The following RABGAP1 variants were observed in gnomAD, a reference collection of about 807,000 sequenced individuals.
RABGAP1 encodes the protein rab GTPase-activating protein 1.
In RABGAP1, 23 loss-of-function variants were observed where a neutral mutation model predicts 137.6. The ratio of observed to expected loss-of-function variants is 0.17; its 90% CI spans 0.12 to 0.24. The LOEUF is 0.24. RABGAP1 is among the 10% of genes least tolerant of loss of function. The probability of loss-of-function intolerance (pLI) is 1.00; values close to 1 mark genes in which losing one functional copy is unlikely to be tolerated. For missense variants in RABGAP1, 906 were observed against 1,275.8 expected, an observed-to-expected ratio of 0.71 and a Z score of 4.42; for synonymous variants, 451 against 450.7, an observed-to-expected ratio of 1.00 and a Z score of -0.01.
At chr9:123,002,844 T>C (rs897791043) in intron 10 of RABGAP1, among the ~76,000 whole-genome samples, 8 of 152,178 alleles carry the variant, frequency 5.3e-5, no homozygotes, top group Admixed American at 4.6e-4. Context: ...GAGACTGCTC[T>C]GGACTCTTTA....
At chr9:123,102,675 T>C (rs1424698994) in intron 25 of RABGAP1, among the ~76,000 whole-genome samples, 1 of 152,138 alleles carries the variant, frequency 6.6e-6, no homozygotes, top group East Asian at 1.9e-4. Context: ...TCAGGAGTTC[T>C]TTCCTTGCAG....
At chr9:122,998,535 T>C (rs1225408889) in intron 9 of RABGAP1, 62 bp from the exon 10 acceptor site, 4 of 1,261,634 alleles carry the variant, frequency 3.2e-6, no homozygotes, top group Non-Finnish European at 4.3e-6. Flanking sequence ...TTATGGAATC[T>C]TATGAGCAAA....
intron 13 of RABGAP1, among the ~76,000 whole-genome samples, chr9:123,057,446 C>T (rs1349524151): frequency 6.6e-6 from 1 of 151,008 alleles, no homozygotes; most frequent in African/African-American, 2.4e-5. Flanking sequence ...CCCCACATCT[C>T]AGACGATGGG....
chr9:122,997,496 C>CCTG, intron 9 of RABGAP1, 135 bp downstream of exon 9: 1 of 518,466 alleles, frequency 1.9e-6, no homozygotes, highest in African/African-American at 2.0e-5. Flanking sequence ...TAGTTCTTCA[C>CCTG]TTTATTATTA....
chr9:122,941,902 G>C (rs1192811104), intron 1 of RABGAP1, among the ~76,000 whole-genome samples: 1 of 152,188 alleles, frequency 6.6e-6, no homozygotes, highest in Non-Finnish European at 1.5e-5. Context: ...TTCTTTTTTG[G>C]AAACAAATGT....
At chr9:122,943,564 G>A (rs1325480800) in intron 1 of RABGAP1, among the ~76,000 whole-genome samples, 1 of 152,180 alleles carries the variant, frequency 6.6e-6, no homozygotes, top group Non-Finnish European at 1.5e-5. Flanking sequence ...CTTTTCTGCT[G>A]CATATTGAGA....
At chr9:122,970,045 A>G (rs548148311) in intron 2 of RABGAP1, among the ~76,000 whole-genome samples, 4 of 149,014 alleles carry the variant, frequency 2.7e-5, no homozygotes, top group African/African-American at 9.8e-5. Context: ...AATTACAGTC[A>G]TGTGCCAGTG....
At chr9:123,093,045 AT>A (rs2035075778) in intron 21 of RABGAP1, among the ~76,000 whole-genome samples, 1 of 152,138 alleles carries the variant, frequency 6.6e-6, no homozygotes, top group Non-Finnish European at 1.5e-5. Flanking sequence ...AATCAGCTAG[AT>A]TCTTCCTCAC....
At chr9:122,982,965 C>T (rs1836161420) in intron 2 of RABGAP1, among the ~76,000 whole-genome samples, 1 of 151,994 alleles carries the variant, frequency 6.6e-6, no homozygotes, top group Admixed American at 6.6e-5. Context: ...AACTTCTGGG[C>T]TCCAGCGATC....
chr9:123,001,242 C>T (rs953445009), intron 10 of RABGAP1, among the ~76,000 whole-genome samples: 194 of 152,242 alleles, frequency 1.3e-3, no homozygotes, highest in African/African-American at 4.5e-3. Flanking sequence ...ATGTTAGAGT[C>T]CTCTACTAAG....
At chr9:122,986,570 G>T in intron 4 of RABGAP1, 151 bp downstream of exon 4, 2 of 844,776 alleles carry the variant, frequency 2.4e-6, no homozygotes, top group Non-Finnish European at 3.6e-6. Context: ...CCCAAGGACT[G>T]TGACCTTTGT....
At chr9:122,963,652 C>G (rs568748957) in intron 2 of RABGAP1, among the ~76,000 whole-genome samples, 29 of 152,262 alleles carry the variant, frequency 1.9e-4, no homozygotes, top group Non-Finnish European at 3.2e-4. Flanking sequence ...TGTTAAGTGC[C>G]TATATTAAGA....
intron 13 of RABGAP1, among the ~76,000 whole-genome samples, chr9:123,032,198 C>A (rs1056147674): frequency 1.3e-5 from 2 of 152,128 alleles, no homozygotes; most frequent in Non-Finnish European, 2.9e-5. Context: ...AAGTTATATA[C>A]CCCCTCTGTG....
chr9:123,035,006 G>A (rs753918043), intron 13 of RABGAP1: 42 of 1,613,298 alleles, frequency 2.6e-5, no homozygotes, highest in Middle Eastern at 1.6e-4. Flanking sequence ...TGGAGACTAC[G>A]CCTGTGTATT....
At chr9:122,967,288 A>G (rs1194992697) in intron 2 of RABGAP1, among the ~76,000 whole-genome samples, 1 of 152,224 alleles carries the variant, frequency 6.6e-6, no homozygotes, top group African/African-American at 2.4e-5. Context: ...GAGATCAGAA[A>G]GAAGTGGAAA....
rs1479447519 is a variant in RABGAP1, at chr9:123,041,852, T to C, written c.1794+21393T>C. On this transcript the variant is annotated intron_variant, in intron 13 of 25. Coordinates refer to ENST00000373647, the MANE Select transcript of RABGAP1 (RefSeq NM_012197.4). Reference sequence around the variant, plus strand: ...ATAGAGACTAAAAAACAAGAATTGATAGAAGCTGAAAAACAGAGTAATTGA... The same window carrying C: ...ATAGAGACTAAAAAACAAGAATTGACAGAAGCTGAAAAACAGAGTAATTGA... Among the ~76,000 whole-genome samples the C allele has an allele frequency of 2.0e-5, 3 of 152,186 alleles. No homozygotes were observed. The East Asian group carries it at 5.8e-4, about 29-fold the overall frequency.
chr9:122,966,807 C>T (rs929772798), intron 2 of RABGAP1, among the ~76,000 whole-genome samples: 3 of 152,054 alleles, frequency 2.0e-5, no homozygotes, highest in Non-Finnish European at 2.9e-5. Context: ...TCTGGGGAGG[C>T]CTCACAATCA....
intron 2 of RABGAP1, among the ~76,000 whole-genome samples, chr9:122,968,478 C>T (rs1214649048): frequency 2.0e-5 from 3 of 152,132 alleles, no homozygotes; most frequent in Non-Finnish European, 2.9e-5. Flanking sequence ...CTGCCTTGGC[C>T]TCTCAAACTG....
At chr9:122,965,636 G>T (rs1835102374) in intron 2 of RABGAP1, among the ~76,000 whole-genome samples, 1 of 152,096 alleles carries the variant, frequency 6.6e-6, no homozygotes, top group Non-Finnish European at 1.5e-5. Flanking sequence ...CGCCTGCCTC[G>T]GCCTCCCAAA....
Sources: allele counts gnomAD v4.1 joint callset (sites outside exome capture counted in the v4.1 genomes callset), GRCh38; gene constraint gnomAD v4.1.1; transcripts MANE v1.5; gene names NCBI Gene and HGNC (gene_info 2026-07-23, HGNC 2026-07-21).